C10orf90: variants seen among roughly 807,000 people sequenced by gnomAD.
The protein encoded by C10orf90 is chromosome 10 open reading frame 90, also known as (E2-independent) E3 ubiquitin-conjugating enzyme FATS.
C10orf90 carries 56 observed loss-of-function variants against 62.5 expected under a neutral mutation model. The ratio of observed to expected loss-of-function variants is 0.90; its 90% CI spans 0.72 to 1.12. The LOEUF is 1.12. C10orf90 is among the 50% of genes most tolerant of loss of function. The pLI is 0.00. For missense variants in C10orf90, 970 were observed against 880.4 expected, an observed-to-expected ratio of 1.10 and a Z score of -1.29; for synonymous variants, 386 against 340.4, an observed-to-expected ratio of 1.13 and a Z score of -1.47.
chr10:126,607,129 A>C (rs1898297), intron 2 of C10orf90, among the ~76,000 whole-genome samples: 4,865 of 152,300 alleles, frequency 0.032, 126 homozygotes, highest in South Asian at 0.073. Context: ...GAATGAAGGC[A>C]GGGGCGCCCA....
In C10orf90 at chr10:126,456,279, G is replaced by A. The variant is rs1201295956; in HGVS notation, c.2188+2761C>T. ...GTTTCAGAGGCTGTCTGATTTCACT[G>A]ACCTAACACAAACGAACCCAAAAGT... On this transcript the variant is annotated intron_variant, in intron 7 of 9. Coordinates refer to ENST00000488181, the MANE Select transcript of C10orf90 (RefSeq NM_001350921.2). This position sits in a 1 kb window ranked among gnomAD's most constrained non-coding sequence, Gnocchi z 4.9. 6.6e-6 allele frequency among the ~76,000 whole-genome samples: 1 copy of A among 152,132 alleles called. No individual in the cohort carries two copies. Among genetic ancestry groups the A allele is most frequent in the African/African-American group, 2.4e-5 (1 of 41,426 alleles).
chr10:126,588,023 A>T (rs936143790), intron 2 of C10orf90, among the ~76,000 whole-genome samples: 1 of 152,134 alleles, frequency 6.6e-6, no homozygotes, highest in Non-Finnish European at 1.5e-5. Flanking sequence ...ACAAGTTAAA[A>T]CCCACTGGCT....
At chr10:126,466,687 C>G (rs1860307831) in intron 4 of C10orf90, among the ~76,000 whole-genome samples, 1 of 152,104 alleles carries the variant, frequency 6.6e-6, no homozygotes, top group South Asian at 2.1e-4. Flanking sequence ...TCTTATTCAC[C>G]AAGAGGGGAA....
chr10:126,665,972 A>G (rs1300346379), intron 1 of C10orf90, among the ~76,000 whole-genome samples: 1 of 152,168 alleles, frequency 6.6e-6, no homozygotes. Flanking sequence ...AGCTATTTGG[A>G]AGCAATTTAG....
chr10:126,557,277 T>G (rs530291898), intron 2 of C10orf90, among the ~76,000 whole-genome samples: 1 of 151,838 alleles, frequency 6.6e-6, no homozygotes, highest in Admixed American at 6.6e-5. Context: ...GTTGGGAGAT[T>G]GAGACCATCC....
chr10:126,555,706 A>AAAT (rs1390643843), intron 2 of C10orf90, among the ~76,000 whole-genome samples: 1 of 148,976 alleles, frequency 6.7e-6, no homozygotes, highest in Non-Finnish European at 1.5e-5. Context: ...ATAAATAAAT[A>AAAT]AATAAATAAA....
At chr10:126,446,808 A>G (rs181352257) in intron 7 of C10orf90, among the ~76,000 whole-genome samples, 2 of 151,304 alleles carry the variant, frequency 1.3e-5, no homozygotes, top group African/African-American at 4.9e-5. Flanking sequence ...AACTATTTAA[A>G]ACACCTACAG....
intron 2 of C10orf90, among the ~76,000 whole-genome samples, chr10:126,613,449 T>C (rs1418476986): frequency 1.3e-5 from 2 of 152,172 alleles, no homozygotes; most frequent in African/African-American, 2.4e-5. Context: ...TCTGACTATA[T>C]TGCCCAGGCT....
intron 2 of C10orf90, among the ~76,000 whole-genome samples, chr10:126,637,110 T>C (rs985235949): frequency 2.6e-5 from 4 of 152,096 alleles, no homozygotes; most frequent in African/African-American, 9.7e-5. Flanking sequence ...TAAGCCCAAC[T>C]TGGACTTCTG....
chr10:126,577,475 C>T (rs1024551646), intron 2 of C10orf90, among the ~76,000 whole-genome samples: 1 of 151,916 alleles, frequency 6.6e-6, no homozygotes, highest in East Asian at 1.9e-4. Flanking sequence ...CTTACAAAAG[C>T]TGTGCAAGAC....
chr10:126,484,366 A>C (rs2133813253), intron 4 of C10orf90, among the ~76,000 whole-genome samples: 1 of 152,308 alleles, frequency 6.6e-6, no homozygotes, highest in Admixed American at 6.5e-5. Context: ...GGTACAAGTT[A>C]ACCACTGTGG....
At chr10:126,439,312 CT>C (rs1338588044) in intron 7 of C10orf90, among the ~76,000 whole-genome samples, 2 of 152,148 alleles carry the variant, frequency 1.3e-5, no homozygotes, top group East Asian at 1.9e-4. Context: ...AAAAGGATGA[CT>C]TTTTTCCCCC....
chr10:126,492,381 A>G (rs1381258706), intron 4 of C10orf90, among the ~76,000 whole-genome samples: 1 of 152,218 alleles, frequency 6.6e-6, no homozygotes, highest in East Asian at 1.9e-4. Flanking sequence ...CAGGTCAAGA[A>G]ACTCTGTCTC....
At position 126,426,058 on chromosome 10, in the gene C10orf90, T is replaced by C; in HGVS notation, c.2285A>G (p.Lys762Arg). ...IYDNLPEVKK[K>R]KEEQRKRVIL... is the part of the protein sequence containing the mutation. ...CACCCTTTTCCTTTGTTCTTCTTTT[T>C]TCTTTTTAACTTCCGGCAAGTTATC... Residue 762 changes from lysine (K) to arginine (R), a missense_variant, in exon 9 of 10, where the codon AAA becomes AGA. Physicochemically the swap from Lys to Arg is conservative, Grantham distance 26 (BLOSUM62 2). Coordinates refer to ENST00000488181, the MANE Select transcript of C10orf90 (RefSeq NM_001350921.2). The C allele has an allele frequency of 1.9e-6, 3 of 1,614,200 alleles. No homozygotes were observed. The highest frequency in any genetic ancestry group is 2.5e-6 in the Non-Finnish European group (3 of 1,179,994).
At chr10:126,580,152 G>A (rs1844716195) in intron 2 of C10orf90, among the ~76,000 whole-genome samples, 1 of 152,176 alleles carries the variant, frequency 6.6e-6, no homozygotes, top group African/African-American at 2.4e-5. Context: ...CCTAGTGAGA[G>A]GGGCATAGGG....
At chr10:126,449,310 G>C (rs940144452) in intron 7 of C10orf90, among the ~76,000 whole-genome samples, 3 of 152,142 alleles carry the variant, frequency 2.0e-5, no homozygotes, top group South Asian at 2.1e-4. Flanking sequence ...AAAAGACACT[G>C]AGAAAACATT....
At chr10:126,485,278 C>A (rs1375844384) in intron 4 of C10orf90, among the ~76,000 whole-genome samples, 1 of 152,222 alleles carries the variant, frequency 6.6e-6, no homozygotes, top group African/African-American at 2.4e-5. Flanking sequence ...GGATCTCAGA[C>A]TTCCAGTCTC....
intron 2 of C10orf90, among the ~76,000 whole-genome samples, chr10:126,625,560 G>C (rs995357598): frequency 6.6e-6 from 1 of 152,186 alleles, no homozygotes; most frequent in African/African-American, 2.4e-5. Context: ...GTTGGCTCCA[G>C]TGCATCCTGA....
chr10:126,506,240 A>T (rs1862723934), intron 3 of C10orf90, among the ~76,000 whole-genome samples: 1 of 152,256 alleles, frequency 6.6e-6, no homozygotes, highest in Non-Finnish European at 1.5e-5. Context: ...TTTTTAACAA[A>T]GCATCTAACC....
Sources: gnomAD v4.1 joint callset for allele counts (sites outside exome capture counted in the v4.1 genomes callset) on GRCh38, gnomAD v4.1.1 for gene constraint, Gnocchi (gnomAD v3.1) non-coding constraint, MANE v1.5 for transcripts, NCBI Gene and HGNC (gene_info 2026-07-23, HGNC 2026-07-21) for gene names.